Variants in NRDE2 observed in about 807,000 individuals in gnomAD.
NRDE2 encodes the protein NRDE-2, necessary for RNA interference, domain containing.
NRDE2 carries 76 observed loss-of-function variants against 124.2 expected under a neutral mutation model. That is an observed-to-expected ratio of 0.61 (90% CI 0.51 to 0.74). NRDE2 has a LOEUF of 0.74. Among genes scored for constraint, NRDE2 ranks in the 30% least tolerant of loss-of-function variants. The pLI is 0.00. For synonymous variants in NRDE2, 489 were observed against 528.1 expected (o/e 0.93, Z 1.01); for missense variants, 1,314 against 1,417.3 (o/e 0.93, Z 1.17).
intron 4 of NRDE2, among the ~76,000 whole-genome samples, chr14:90,308,414 G>A (rs892295838): frequency 7.9e-5 from 12 of 152,058 alleles, no homozygotes; most frequent in East Asian, 3.9e-4. Flanking sequence ...CTGACTTCCC[G>A]GAACTTCCAC....
intron 1 of NRDE2, among the ~76,000 whole-genome samples, chr14:90,324,785 C>CTCTGTGCGTACATTTGA (rs1424506327): frequency 6.6e-6 from 1 of 152,148 alleles, no homozygotes; most frequent in Non-Finnish European, 1.5e-5. Context: ...TACTGGTTCC[C>CTCTGTGCGTACATTTGA]TCTGTGCGTA....
Position 90,302,936 on chromosome 14 carries a change from T to C in NRDE2, c.1195A>G (p.Thr399Ala), listed in dbSNP as rs192053063. The change falls in exon 6 of 14, where the codon ACT (threonine) becomes GCT (alanine). Residue 399 changes from threonine to alanine, a missense_variant. Coordinates refer to ENST00000354366, the MANE Select transcript of NRDE2 (RefSeq NM_017970.4). ...AGTTTCTGCCACTCTTTGACCAGAG[T>C]GGAGGGCTCCCAGAACTCTGTGCAG... ...KLCTEFWEPSTLVKEWQKLIF... is the reference protein window; with the variant it reads ...KLCTEFWEPSALVKEWQKLIF... The C allele has an allele frequency of 1.9e-6, 3 of 1,614,032 alleles. No individual in the cohort carries two copies. The highest frequency in any genetic ancestry group is 2.2e-5 in the East Asian group (1 of 44,882).
rs1171124795 is a variant in NRDE2 at position 90,271,303 on chromosome 14, G to C, written c.*7033C>G. 1 of 152,114 alleles carries C rather than the reference G, an allele frequency of 6.6e-6. No individual in the cohort carries two copies. Among genetic ancestry groups the C allele is most frequent in the Non-Finnish European group, 1.5e-5 (1 of 68,006 alleles). 9.4% of individuals were successfully genotyped at this position (152,114 alleles called of 1,614,324 possible). ...TTGCCACAGTAATTACTGGCCAAAA[G>C]AAAAAGAAAACAATAACAGTAACCC... is the stretch of plus-strand genomic sequence containing the variant. On this transcript the variant is annotated 3_prime_UTR_variant, in exon 14 of 14. Coordinates refer to ENST00000354366, the MANE Select transcript of NRDE2 (RefSeq NM_017970.4).
At chr14:90,286,286 T>C (rs1030564167) in intron 12 of NRDE2, 68 bp downstream of exon 12, 1 of 1,533,828 alleles carries the variant, frequency 6.5e-7, no homozygotes, top group African/African-American at 1.4e-5. Context: ...ATTTCATAAA[T>C]ACCTTCTCAT....
intron 9 of NRDE2, 40 bp from the exon 10 acceptor site, chr14:90,290,647 C>G (rs1423308650): frequency 1.9e-6 from 3 of 1,561,072 alleles, no homozygotes; most frequent in African/African-American, 1.4e-5. Context: ...TGTAACAAAA[C>G]AAAACCCGCA....
chr14:90,277,726 G>A lies in NRDE2; in HGVS notation c.*610C>T, dbSNP rs2139661228. 6.6e-6 allele frequency: 1 copy of A among 152,452 alleles called. No individual in the cohort carries two copies. Among genetic ancestry groups the A allele is most frequent in the South Asian group, 2.1e-4 (1 of 4,832 alleles). 9.4% of individuals were successfully genotyped at this position (152,452 alleles called of 1,614,324 possible). ...TGGCCTGGGACCTGCTGAAGAGCGG[G>A]TTCTGACTCCACAGGCCTGAGTTTT... is the stretch of plus-strand genomic sequence containing the variant. On this transcript the variant is annotated 3_prime_UTR_variant, in exon 14 of 14. Transcript: ENST00000354366.
In NRDE2 at chr14:90,298,340, C is replaced by A. The variant is rs202055536; in HGVS notation, c.1586G>T (p.Arg529Leu). 1 of 1,613,754 alleles carries A rather than the reference C, an allele frequency of 6.2e-7. No homozygotes were observed. Among genetic ancestry groups the A allele is most frequent in the East Asian group, 2.2e-5 (1 of 44,862 alleles). Reference sequence around the variant, plus strand: ...GCCTCGGGCTCCCTTCTCCCCAGCCCGGGGCTCTCCACTGTCCCAAAAGGG... The same window carrying A: ...GCCTCGGGCTCCCTTCTCCCCAGCCAGGGGCTCTCCACTGTCCCAAAAGGG... ...FEPFWDSGEP[R>L]AGEKGARGWK... Residue 529 changes from arginine to leucine, a missense_variant, in exon 8 of 14, where the codon CGG (arginine) becomes CTG (leucine). Coordinates refer to ENST00000354366, the MANE Select transcript of NRDE2 (RefSeq NM_017970.4).
In NRDE2 at chr14:90,274,336, C is replaced by CCGTGTGGGG. The variant is rs1891744711; in HGVS notation, c.*3999_*4000insCCCCACACG. The CCGTGTGGGG allele has an allele frequency of 6.4e-6, 1 of 155,726 alleles. No individual in the cohort carries two copies. Among genetic ancestry groups the CCGTGTGGGG allele is most frequent in the African/African-American group, 2.4e-5 (1 of 41,416 alleles). 9.6% of individuals were successfully genotyped at this position (155,726 alleles called of 1,614,324 possible). On this transcript the variant is annotated 3_prime_UTR_variant, in exon 14 of 14. Coordinates refer to ENST00000354366, the MANE Select transcript of NRDE2 (RefSeq NM_017970.4). ...GAGCCCAAGTGGGTGAGGAAGGCAT[C>CCGTGTGGGG]TGCAGGGACGGGGTGGTGGCAGGGG... is the stretch of plus-strand genomic sequence containing the variant.
rs1224613775 is a variant in NRDE2 at position 90,269,573 on chromosome 14, TG to T, written c.*8762del. 1 of 1,608,542 alleles carries T rather than the reference TG, an allele frequency of 6.2e-7. No homozygotes were observed. Among genetic ancestry groups the T allele is most frequent in the Non-Finnish European group, 8.5e-7 (1 of 1,176,286 alleles). On this transcript the variant is annotated 3_prime_UTR_variant, in exon 14 of 14. Coordinates refer to ENST00000354366, the MANE Select transcript of NRDE2 (RefSeq NM_017970.4). ...GGTTAAATTTGCTTTGGTTTCATCA[TG>T]GAGATTAATGTGTTTATATATTTGT... is the stretch of plus-strand genomic sequence containing the variant.
At chr14:90,299,358 C>T (rs1217754627) in intron 7 of NRDE2, among the ~76,000 whole-genome samples, 1 of 151,710 alleles carries the variant, frequency 6.6e-6, no homozygotes. Flanking sequence ...TAAAGGTCTG[C>T]ATTTTAAAGC....
At chr14:90,298,688 G>T (rs1049156643) in intron 7 of NRDE2, among the ~76,000 whole-genome samples, 1 of 152,148 alleles carries the variant, frequency 6.6e-6, no homozygotes, top group African/African-American at 2.4e-5. Context: ...TCACTCCCGG[G>T]ATTAGGTTAC....
Position 90,288,319 on chromosome 14 carries a change from C to A in NRDE2, c.3056G>T (p.Arg1019Ile). Residue 1019 changes from arginine (R) to isoleucine (I), a missense_variant, in exon 11 of 14, where the codon AGA becomes ATA. Arg to Ile is a moderately conservative substitution (Grantham distance 97). Transcript: ENST00000354366. ...NKSHSASKTR[R>I]FFDTITRSAK... ...AGACCTGGTGATTGTGTCAAAAAATCTCCTGGTTTTGCTGGCACTGTGGGA... is the reference window on the plus strand; with the variant it reads ...AGACCTGGTGATTGTGTCAAAAAATATCCTGGTTTTGCTGGCACTGTGGGA... 1 of 1,614,196 alleles carries A rather than the reference C, an allele frequency of 6.2e-7. No homozygotes were observed.
At chr14:90,297,057 T>G (rs1444273892) in intron 8 of NRDE2, among the ~76,000 whole-genome samples, 1 of 150,664 alleles carries the variant, frequency 6.6e-6, no homozygotes, top group African/African-American at 2.5e-5. Flanking sequence ...AAGAATCCCT[T>G]GAACCTGGGA....
chr14:90,278,516 G>C, intron 13 of NRDE2, 55 bp from the exon 14 acceptor site: 1 of 1,592,842 alleles, frequency 6.3e-7, no homozygotes, highest in Admixed American at 1.7e-5. Flanking sequence ...TGTCAGCCTG[G>C]AGGAGCTCAG....
At chr14:90,324,247 G>C (rs1885339483) in intron 1 of NRDE2, among the ~76,000 whole-genome samples, 1 of 152,118 alleles carries the variant, frequency 6.6e-6, no homozygotes, top group Admixed American at 6.6e-5. Context: ...AAGCAGGAGA[G>C]GTAGGGCCTT....
At position 90,296,590 on chromosome 14, in the gene NRDE2, T is replaced by C. The variant is rs1323016933; in HGVS notation, c.1666+1670A>G. On this transcript the variant is annotated intron_variant, in intron 8 of 13. Transcript: ENST00000354366. ...CAAGACAATACCTAATCCAAAGTTT[T>C]CATGGTGCAAATGAATAAACAAAGA... is the stretch of plus-strand genomic sequence containing the variant. Among the ~76,000 whole-genome samples, 3 of 152,162 alleles carry C rather than the reference T, an allele frequency of 2.0e-5. No individual in the cohort carries two copies. In the East Asian group the frequency reaches 5.8e-4, roughly 29 times the overall value.
intron 1 of NRDE2, among the ~76,000 whole-genome samples, chr14:90,325,360 G>T (rs79684894): frequency 6.6e-6 from 1 of 151,840 alleles, no homozygotes; most frequent in African/African-American, 2.4e-5. Context: ...ACAATCTGAG[G>T]GTAGGAAGAA....
chr14:90,329,855 G>T (rs1381600076), intron 1 of NRDE2, among the ~76,000 whole-genome samples: 3 of 139,508 alleles, frequency 2.2e-5, no homozygotes, highest in African/African-American at 8.0e-5. Flanking sequence ...AAAAAAAAAA[G>T]TAAAAGAAAA....
At chr14:90,316,912 A>G (rs935003885) in intron 2 of NRDE2, 101 bp from the exon 3 acceptor site, 32 of 787,514 alleles carry the variant, frequency 4.1e-5, no homozygotes, top group African/African-American at 7.0e-5. Flanking sequence ...AACTATATAA[A>G]TGTTCACACA....
Sources: gnomAD v4.1 joint callset for allele counts (sites outside exome capture counted in the v4.1 genomes callset) on GRCh38, gnomAD v4.1.1 for gene constraint, MANE v1.5 for transcripts, NCBI Gene and HGNC (gene_info 2026-07-23, HGNC 2026-07-21) for gene names.